NKAIN3: variants seen among roughly 807,000 people sequenced by gnomAD.
The protein encoded by NKAIN3 is sodium/potassium transporting ATPase interacting 3.
A neutral mutation model predicts 30.2 loss-of-function variants in NKAIN3; 25 were observed. The observed-to-expected ratio is 0.83, with a 90% CI of 0.60 to 1.16. The LOEUF (loss-of-function observed/expected upper bound fraction) is 1.16, where lower values mean the gene tolerates loss of function less well. Among genes scored for constraint, NKAIN3 ranks in the 50% most tolerant of loss-of-function variants. The pLI is 0.00. For missense variants in NKAIN3, 225 were observed against 254.1 expected (o/e 0.89, Z 0.78); for synonymous variants, 91 against 89.6 (o/e 1.02, Z -0.09).
intron 4 of NKAIN3, among the ~76,000 whole-genome samples, chr8:62,789,707 T>C (rs1362076835): frequency 1.3e-5 from 2 of 151,766 alleles, no homozygotes; most frequent in Non-Finnish European, 2.9e-5. Flanking sequence ...AACTAGAAAA[T>C]TTAGAAGAAA....
intron 3 of NKAIN3, among the ~76,000 whole-genome samples, chr8:62,682,482 C>A (rs998857618): frequency 2.6e-5 from 4 of 152,068 alleles, no homozygotes; most frequent in African/African-American, 7.2e-5. Context: ...TTGGACAGAA[C>A]GTGGGGGAGG....
intron 3 of NKAIN3, among the ~76,000 whole-genome samples, chr8:62,712,500 G>C (rs140965971): frequency 6.6e-6 from 1 of 152,088 alleles, no homozygotes; most frequent in African/African-American, 2.4e-5. Context: ...GAGTCATGCA[G>C]GTTATCAGGG....
chr8:62,674,050 G>C (rs113570028), intron 3 of NKAIN3, among the ~76,000 whole-genome samples: 1,887 of 152,264 alleles, frequency 0.012, 31 homozygotes, highest in African/African-American at 0.042. Context: ...TTTATGAAAA[G>C]CTCTCGATGT....
intron 1 of NKAIN3, among the ~76,000 whole-genome samples, chr8:62,452,922 T>C (rs1045060523): frequency 1.3e-5 from 2 of 152,202 alleles, no homozygotes; most frequent in Non-Finnish European, 2.9e-5. Flanking sequence ...GTGTCTTTTG[T>C]AAGTGTACAT....
At chr8:62,526,891 C>G (rs1213364827) in intron 1 of NKAIN3, among the ~76,000 whole-genome samples, 1 of 152,152 alleles carries the variant, frequency 6.6e-6, no homozygotes, top group Non-Finnish European at 1.5e-5. Context: ...ACACCACCTT[C>G]CTACATCTAC....
At chr8:62,735,924 C>T (rs1316079915) in intron 3 of NKAIN3, among the ~76,000 whole-genome samples, 2 of 152,094 alleles carry the variant, frequency 1.3e-5, no homozygotes, top group South Asian at 4.1e-4. Context: ...TGGATCTAGG[C>T]TCCCAGCAGA....
intron 1 of NKAIN3, among the ~76,000 whole-genome samples, chr8:62,578,743 C>G (rs1285132689): frequency 6.6e-6 from 1 of 151,732 alleles, no homozygotes; most frequent in African/African-American, 2.4e-5. Context: ...TTATACTAAG[C>G]CAATCGTTTT....
intron 4 of NKAIN3, among the ~76,000 whole-genome samples, chr8:62,802,785 G>T (rs1186251923): frequency 6.6e-6 from 1 of 152,082 alleles, no homozygotes; most frequent in East Asian, 1.9e-4. Flanking sequence ...AAATGTAAAT[G>T]GACTTAATGC....
At chr8:62,418,419 A>G (rs1804523144) in intron 1 of NKAIN3, among the ~76,000 whole-genome samples, 1 of 152,150 alleles carries the variant, frequency 6.6e-6, no homozygotes, top group South Asian at 2.1e-4. Context: ...TTTTCAGAGA[A>G]GTTCCTTTAA....
intron 4 of NKAIN3, among the ~76,000 whole-genome samples, chr8:62,792,274 T>C (rs1817721530): frequency 1.3e-5 from 2 of 152,166 alleles, no homozygotes; most frequent in South Asian, 4.1e-4. Flanking sequence ...TGTCTGTATG[T>C]TTCTAAAATG....
At position 62,249,144 on chromosome 8, in the gene NKAIN3, CCCCTGCCCCAGGACAGGT is replaced by C. The variant is rs1474878090; in HGVS notation, c.54+24_54+41del. 1 of 1,528,662 alleles carries C rather than the reference CCCCTGCCCCAGGACAGGT, an allele frequency of 6.5e-7. No homozygotes were observed. The highest frequency in any genetic ancestry group is 1.2e-5 in the South Asian group (1 of 82,868). 94.7% of individuals were successfully genotyped at this position (1,528,662 alleles called of 1,614,324 possible). A position where few individuals can be genotyped will look rare whatever the true frequency, so the allele number is the denominator to read the frequency against. On this transcript the variant is annotated intron_variant, in intron 1 of 6. Transcript: ENST00000623646. The stretch of plus-strand genomic sequence containing the variant: ...CTGCAGTTGGTGAGTGCCCCGAGGG[CCCCTGCCCCAGGACAGGT>C]CCCTGCTCCAGGACCGGCCTCTGCG...
Position 62,980,427 on chromosome 8 carries a change from G to A in NKAIN3, c.*15020G>A, listed in dbSNP as rs1824049143. 6.6e-6 allele frequency: 1 copy of A among 152,138 alleles called. No homozygotes were observed. Among genetic ancestry groups the A allele is most frequent in the African/African-American group, 2.4e-5 (1 of 41,434 alleles). 9.4% of individuals were successfully genotyped at this position (152,138 alleles called of 1,614,324 possible). A position where few individuals can be genotyped will look rare whatever the true frequency, so the allele number is the denominator to read the frequency against. ...GACCATCTATCAGATATGAAACCAAGCATAATCATTGCAATTATTTCTACT... is the reference window on the plus strand; with the variant it reads ...GACCATCTATCAGATATGAAACCAAACATAATCATTGCAATTATTTCTACT... On this transcript the variant is annotated 3_prime_UTR_variant, in exon 7 of 7. Coordinates refer to ENST00000623646, the MANE Select transcript of NKAIN3 (RefSeq NM_001304533.3).
chr8:62,644,523 A>C (rs1360901895), intron 3 of NKAIN3, among the ~76,000 whole-genome samples: 3 of 152,022 alleles, frequency 2.0e-5, no homozygotes, highest in African/African-American at 7.2e-5. Flanking sequence ...CTATCTCTAC[A>C]CCTATATCCA....
chr8:62,748,082 G>A (rs999926549), intron 4 of NKAIN3, among the ~76,000 whole-genome samples: 3 of 152,192 alleles, frequency 2.0e-5, no homozygotes, highest in African/African-American at 7.2e-5. Context: ...AAATGCAATT[G>A]CTTAAAACAA....
chr8:62,260,378 T>A (rs1812399989), intron 1 of NKAIN3, among the ~76,000 whole-genome samples: 1 of 152,212 alleles, frequency 6.6e-6, no homozygotes, highest in African/African-American at 2.4e-5. Context: ...TAAATTGTTG[T>A]TAATGATAAT....
intron 1 of NKAIN3, among the ~76,000 whole-genome samples, chr8:62,548,360 T>C (rs1391994193): frequency 2.0e-5 from 3 of 152,220 alleles, no homozygotes; most frequent in African/African-American, 7.2e-5. Flanking sequence ...GATGAAATGG[T>C]GATCAAATAT....
At chr8:62,562,707 C>T (rs1809626221) in intron 1 of NKAIN3, among the ~76,000 whole-genome samples, 1 of 152,068 alleles carries the variant, frequency 6.6e-6, no homozygotes, top group Non-Finnish European at 1.5e-5. Flanking sequence ...AAATGAGAGT[C>T]ACTTATCTAT....
At chr8:62,256,942 T>C (rs995699984) in intron 1 of NKAIN3, among the ~76,000 whole-genome samples, 7 of 152,204 alleles carry the variant, frequency 4.6e-5, no homozygotes, top group Admixed American at 3.9e-4. Flanking sequence ...GTTTCTCTAC[T>C]TTACAAACCA....
intron 6 of NKAIN3, among the ~76,000 whole-genome samples, chr8:62,960,604 A>G (rs527777026): frequency 6.6e-6 from 1 of 152,142 alleles, no homozygotes; most frequent in Non-Finnish European, 1.5e-5. Flanking sequence ...AATGATATAA[A>G]CCAAATTTTA....
Sources: gnomAD v4.1 joint callset for allele counts (sites outside exome capture counted in the v4.1 genomes callset) on GRCh38, gnomAD v4.1.1 for gene constraint, MANE v1.5 for transcripts, NCBI Gene and HGNC (gene_info 2026-07-23, HGNC 2026-07-21) for gene names.